Variants in SLC5A4 observed in about 807,000 individuals in gnomAD.
SLC5A4 encodes solute carrier family 5 member 4.
Under a neutral mutation model 70.3 loss-of-function variants are expected in SLC5A4, and 55 were observed. That is an observed-to-expected ratio of 0.78 (90% CI 0.63 to 0.98). The LOEUF (loss-of-function observed/expected upper bound fraction) is 0.98. Ranked by LOEUF, SLC5A4 falls within the 50% of genes least tolerant of loss-of-function variation. The pLI is 0.00. For missense variants in SLC5A4, 735 were observed against 839.2 expected (o/e 0.88, Z 1.53); for synonymous variants, 268 against 305.7 (o/e 0.88, Z 1.29).
intron 14 of SLC5A4, among the ~76,000 whole-genome samples, chr22:32,219,053 TAG>T (rs1924896219): frequency 6.6e-6 from 1 of 152,128 alleles, no homozygotes; most frequent in Non-Finnish European, 1.5e-5. Context: ...GTCAGCATAT[TAG>T]AGAGATGAAT....
the SLC5A4 span, among the ~76,000 whole-genome samples, chr22:32,290,438 T>C: frequency 6.6e-6 from 1 of 152,340 alleles, no homozygotes; most frequent in African/African-American, 2.4e-5. Context: ...GATTTGGTTA[T>C]GGATTCAATT....
At chr22:32,257,171 AT>A (rs1477575057), upstream of SLC5A4, among the ~76,000 whole-genome samples, 1 of 152,168 alleles carries the variant, frequency 6.6e-6, no homozygotes, top group Non-Finnish European at 1.5e-5. Flanking sequence ...AGTAGTGTTG[AT>A]TTTTTCATGT....
the SLC5A4 span, among the ~76,000 whole-genome samples, chr22:32,349,393 C>G: frequency 2.0e-5 from 3 of 152,338 alleles, no homozygotes; most frequent in South Asian, 6.2e-4. Flanking sequence ...AAAGTCAACT[C>G]TTTCTAGCAT....
chr22:32,349,692 T>C, the SLC5A4 span, among the ~76,000 whole-genome samples: 3 of 152,254 alleles, frequency 2.0e-5, no homozygotes, highest in Admixed American at 1.3e-4. Flanking sequence ...TTGAGAGCTT[T>C]CATTCTCTTT....
intron 7 of SLC5A4, among the ~76,000 whole-genome samples, chr22:32,235,380 T>C (rs1926002332): frequency 6.6e-6 from 1 of 152,180 alleles, no homozygotes; most frequent in Non-Finnish European, 1.5e-5. Context: ...GAAGCTGTTA[T>C]CCAACAGGCT....
chr22:32,311,246 C>G, the SLC5A4 span, among the ~76,000 whole-genome samples: 2 of 152,208 alleles, frequency 1.3e-5, no homozygotes, highest in African/African-American at 4.8e-5. Flanking sequence ...GCACAGTGAG[C>G]AGGGACCTGC....
intron 14 of SLC5A4, among the ~76,000 whole-genome samples, 193 bp downstream of exon 14, chr22:32,220,727 C>T (rs1925026382): frequency 2.0e-5 from 3 of 152,142 alleles, no homozygotes; most frequent in Admixed American, 6.5e-5. Context: ...ACAAACCAAC[C>T]AATGGACAGG....
chr22:32,223,927 C>CT (rs913185642), intron 13 of SLC5A4, among the ~76,000 whole-genome samples: 51 of 147,492 alleles, frequency 3.5e-4, no homozygotes, highest in Admixed American at 9.5e-4. Flanking sequence ...GCAAGGAACT[C>CT]TTTTTTTTTT....
the SLC5A4 span, chr22:32,268,276 A>C: frequency 6.6e-6 from 1 of 152,004 alleles, no homozygotes; most frequent in Non-Finnish European, 1.5e-5. Context: ...TAGCATGTAC[A>C]TTTTTCCATA....
chr22:32,334,155 C>T, the SLC5A4 span, among the ~76,000 whole-genome samples: 1 of 151,484 alleles, frequency 6.6e-6, no homozygotes, highest in South Asian at 2.1e-4. Context: ...CACACACACC[C>T]CATGCCACAC....
chr22:32,349,067 C>T, the SLC5A4 span, among the ~76,000 whole-genome samples: 4 of 152,134 alleles, frequency 2.6e-5, no homozygotes, highest in African/African-American at 4.8e-5. Context: ...CTCTGCCTCC[C>T]AGGTTCAAGT....
chr22:32,285,661 T>G, the SLC5A4 span, among the ~76,000 whole-genome samples: 11 of 151,866 alleles, frequency 7.2e-5, no homozygotes, highest in Non-Finnish European at 2.9e-5. Context: ...TCTTGCTGAA[T>G]TTTTATTGTT....
chr22:32,224,120 C>T, intron 13 of SLC5A4, 147 bp downstream of exon 13: 1 of 622,062 alleles, frequency 1.6e-6, no homozygotes, highest in South Asian at 1.9e-5. Flanking sequence ...CAAGGTTTCA[C>T]CGTGTTAACC....
At chr22:32,283,817 A>G in the SLC5A4 span, among the ~76,000 whole-genome samples, 5,626 of 152,302 alleles carry the variant, frequency 0.037, 120 homozygotes, top group Non-Finnish European at 0.056. Flanking sequence ...AAAATTCCTA[A>G]AAATTAACAG....
At chr22:32,315,530 G>A in the SLC5A4 span, among the ~76,000 whole-genome samples, 63,762 of 151,834 alleles carry the variant, frequency 0.42, 13,677 homozygotes, top group East Asian at 0.65. Flanking sequence ...GAGAAAATAA[G>A]CGCTGTCTAG....
the SLC5A4 span, among the ~76,000 whole-genome samples, chr22:32,305,776 C>T: frequency 6.6e-6 from 1 of 151,560 alleles, no homozygotes; most frequent in East Asian, 1.9e-4. Context: ...ACAAGAGGCA[C>T]ATGGCATGTC....
chr22:32,324,859 CG>C, the SLC5A4 span, among the ~76,000 whole-genome samples: 1 of 152,224 alleles, frequency 6.6e-6, no homozygotes, highest in Non-Finnish European at 1.5e-5. Flanking sequence ...ACAGTAGCCC[CG>C]GGAACGCTTC....
the SLC5A4 span, among the ~76,000 whole-genome samples, chr22:32,323,173 T>A: frequency 6.6e-6 from 1 of 152,040 alleles, no homozygotes; most frequent in African/African-American, 2.4e-5. Context: ...ACAGCTTAGC[T>A]CTGTCCACCA....
the SLC5A4 span, among the ~76,000 whole-genome samples, chr22:32,318,387 A>C: frequency 2.0e-5 from 3 of 152,050 alleles, no homozygotes; most frequent in Non-Finnish European, 4.4e-5. Flanking sequence ...AGACACCTCA[A>C]ACTTAATATA....
Sources: allele counts gnomAD v4.1 joint callset (sites outside exome capture counted in the v4.1 genomes callset), GRCh38; gene constraint gnomAD v4.1.1; transcripts MANE v1.5; gene names NCBI Gene and HGNC (gene_info 2026-07-23, HGNC 2026-07-21).